Variants in CR1L observed in about 807,000 individuals in gnomAD.
CR1L encodes the protein complement C3b/C4b receptor 1 like.
A neutral mutation model predicts 62.3 loss-of-function variants in CR1L; 59 were observed. That is an observed-to-expected ratio of 0.95 (90% CI 0.77 to 1.18). CR1L has a LOEUF of 1.18. Ranked by LOEUF, CR1L falls within the 50% of genes most tolerant of loss-of-function variation. The probability of loss-of-function intolerance (pLI) is 0.00; values close to 1 mark genes in which losing one functional copy is unlikely to be tolerated. For missense variants in CR1L, 700 were observed against 702.8 expected (o/e 1.00, Z 0.04); for synonymous variants, 279 against 248.7 (o/e 1.12, Z -1.15).
intron 7 of CR1L, 109 bp downstream of exon 7, chr1:207,697,982 A>T: frequency 6.8e-7 from 1 of 1,472,034 alleles, no homozygotes; most frequent in Non-Finnish European, 9.3e-7. Context: ...ACAGACACAC[A>T]CACACACACA....
At chr1:207,701,702 G>T (rs746096595) in intron 9 of CR1L, 84 bp downstream of exon 9, 2 of 1,568,612 alleles carry the variant, frequency 1.3e-6, no homozygotes, top group South Asian at 1.1e-5. Flanking sequence ...AGGAAACTAG[G>T]CTGTTGCCAC....
intron 1 of CR1L, among the ~76,000 whole-genome samples, chr1:207,652,207 T>C: frequency 6.6e-6 from 1 of 152,238 alleles, no homozygotes; most frequent in Non-Finnish European, 1.5e-5. Flanking sequence ...TGTAGATGAC[T>C]TCTTAGAGGA....
chr1:207,677,012 T>A (rs576680363), intron 1 of CR1L, among the ~76,000 whole-genome samples: 52 of 152,064 alleles, frequency 3.4e-4, no homozygotes, highest in African/African-American at 1.3e-3. Context: ...ATGCAGTATA[T>A]TTGAGAGAAA....
intron 1 of CR1L, among the ~76,000 whole-genome samples, chr1:207,672,860 A>G (rs1190104203): frequency 6.6e-6 from 1 of 152,108 alleles, no homozygotes; most frequent in African/African-American, 2.4e-5. Context: ...GGATGAGTAG[A>G]TGTATGATTT....
At chr1:207,722,903 A>C (rs1347735708) in intron 11 of CR1L, among the ~76,000 whole-genome samples, 1 of 152,244 alleles carries the variant, frequency 6.6e-6, no homozygotes, top group African/African-American at 2.4e-5. Context: ...CATGAGAAAG[A>C]AAACTAGAAA....
chr1:207,717,834 A>G (rs1264880274), intron 11 of CR1L, 143 bp downstream of exon 11: 5 of 1,022,904 alleles, frequency 4.9e-6, no homozygotes, highest in African/African-American at 3.2e-5. Context: ...CAAGTGAATG[A>G]CAAATGGGTT....
chr1:207,707,785 T>TACAAACACAC (rs1553245436), intron 9 of CR1L, among the ~76,000 whole-genome samples: 1 of 126,706 alleles, frequency 7.9e-6, no homozygotes, highest in East Asian at 2.6e-4. Flanking sequence ...GGCATAGTAT[T>TACAAACACAC]ACACACACAC....
At chr1:207,723,222 G>C (rs962211643) in intron 11 of CR1L, among the ~76,000 whole-genome samples, 6 of 152,100 alleles carry the variant, frequency 3.9e-5, no homozygotes, top group African/African-American at 1.4e-4. Flanking sequence ...ACGAGGTCAG[G>C]AGATTGAGAC....
chr1:207,706,096 A>G (rs1201290449), intron 9 of CR1L, among the ~76,000 whole-genome samples: 5 of 150,704 alleles, frequency 3.3e-5, no homozygotes, highest in African/African-American at 1.2e-4. Context: ...AGAGTTAACC[A>G]AATTTTCCCT....
chr1:207,645,418 T>C, intron 1 of CR1L, 88 bp downstream of exon 1: 1 of 1,411,050 alleles, frequency 7.1e-7, no homozygotes, highest in Non-Finnish European at 1.0e-6. Context: ...CGAAGCTCAC[T>C]GCACGTCGTG....
At chr1:207,714,065 CAAG>C (rs1653915530) in intron 10 of CR1L, among the ~76,000 whole-genome samples, 1 of 152,168 alleles carries the variant, frequency 6.6e-6, no homozygotes, top group Non-Finnish European at 1.5e-5. Context: ...GTCCCGCATC[CAAG>C]AAGAACAAGC....
At chr1:207,685,023 A>C (rs1663877847) in intron 4 of CR1L, among the ~76,000 whole-genome samples, 1 of 152,254 alleles carries the variant, frequency 6.6e-6, no homozygotes, top group Admixed American at 6.5e-5. Context: ...TGTAAAACAA[A>C]TTGGGAAACC....
At chr1:207,723,421 CAAA>C (rs370655665) in intron 11 of CR1L, among the ~76,000 whole-genome samples, 194 bp from the exon 12 acceptor site, 2 of 71,882 alleles carry the variant, frequency 2.8e-5, no homozygotes, top group Non-Finnish European at 3.4e-5. Context: ...GAGACTTTGT[CAAA>C]AAAAAAAAAA....
intron 1 of CR1L, among the ~76,000 whole-genome samples, chr1:207,673,156 G>A (rs1310694754): frequency 6.6e-6 from 1 of 152,162 alleles, no homozygotes; most frequent in Admixed American, 6.5e-5. Context: ...TTGAAATACA[G>A]CTTTACATTC....
At chr1:207,708,969 T>G (rs947047599) in intron 10 of CR1L, 4 of 353,286 alleles carry the variant, frequency 1.1e-5, no homozygotes, top group African/African-American at 2.1e-5. Flanking sequence ...TTCAGGGTGG[T>G]ATGGCTGTAG....
chr1:207,663,085 G>T (rs1203104556), intron 1 of CR1L, among the ~76,000 whole-genome samples: 1 of 152,184 alleles, frequency 6.6e-6, no homozygotes, highest in Admixed American at 6.5e-5. Context: ...TAGGCTATTT[G>T]GGGGTCAGGG....
chr1:207,645,410 A>T (rs1487643584), intron 1 of CR1L, 80 bp downstream of exon 1: 2 of 1,473,814 alleles, frequency 1.4e-6, no homozygotes, highest in Admixed American at 3.3e-5. Flanking sequence ...GCGCGGGGCG[A>T]AGCTCACTGC....
intron 9 of CR1L, among the ~76,000 whole-genome samples, chr1:207,702,889 C>A (rs548705227): frequency 6.6e-6 from 1 of 152,130 alleles, no homozygotes; most frequent in Admixed American, 6.5e-5. Flanking sequence ...TCAAGACCAG[C>A]CTGACCAATA....
chr1:207,707,191 G>C (rs571142548), intron 9 of CR1L, among the ~76,000 whole-genome samples: 2 of 152,082 alleles, frequency 1.3e-5, no homozygotes, highest in South Asian at 4.1e-4. Flanking sequence ...GTAAGGGGAG[G>C]GAAGGAAAAA....
Sources: gnomAD v4.1 joint callset for allele counts (sites outside exome capture counted in the v4.1 genomes callset) on GRCh38, gnomAD v4.1.1 for gene constraint, MANE v1.5 for transcripts, NCBI Gene and HGNC (gene_info 2026-07-23, HGNC 2026-07-21) for gene names.